GPR107: variants seen among roughly 807,000 people sequenced by gnomAD.
The protein encoded by GPR107 is protein GPR107.
GPR107 carries 31 observed loss-of-function variants against 75.5 expected under a neutral mutation model. The ratio of observed to expected loss-of-function variants is 0.41; its 90% CI spans 0.31 to 0.55. The LOEUF (loss-of-function observed/expected upper bound fraction) is 0.55. Among genes scored for constraint, GPR107 ranks in the 20% least tolerant of loss-of-function variants. GPR107 has a pLI of 0.26. For missense variants in GPR107, 572 were observed against 665.7 expected (o/e 0.86, Z 1.55); for synonymous variants, 267 against 251.3 (o/e 1.06, Z -0.59).
Position 130,097,590 on chromosome 9 carries a change from A to G in GPR107, c.864-1867A>G, listed in dbSNP as rs571757782. On this transcript the variant is annotated intron_variant, in intron 9 of 17. Transcript: ENST00000347136. The stretch of plus-strand genomic sequence containing the variant: ...AATACTGACATCTTAATTTTTGCCA[A>G]TCTGATAGGTGTAAAGTGGTATCTT... Among the ~76,000 whole-genome samples, 52 of 152,182 alleles carry G rather than the reference A, an allele frequency of 3.4e-4. No individual in the cohort carries two copies. In the South Asian group the frequency reaches 3.7e-3, roughly 11 times the overall value.
intron 7 of GPR107, among the ~76,000 whole-genome samples, chr9:130,086,771 A>G (rs894430628): frequency 1.3e-5 from 2 of 152,052 alleles, no homozygotes; most frequent in African/African-American, 2.4e-5. Context: ...CTTTGCCCCA[A>G]TCCCATGCTA....
At chr9:130,121,423 C>T (rs988292284) in intron 14 of GPR107, among the ~76,000 whole-genome samples, 12 of 152,308 alleles carry the variant, frequency 7.9e-5, no homozygotes, top group South Asian at 2.1e-4. Flanking sequence ...TGTCCTGGGG[C>T]GCAGGTTGGA....
intron 14 of GPR107, among the ~76,000 whole-genome samples, chr9:130,114,958 C>A (rs943869355): frequency 1.3e-5 from 2 of 152,176 alleles, no homozygotes; most frequent in Non-Finnish European, 2.9e-5. Context: ...TAGTCCAGGG[C>A]AGCTTATGCC....
intron 17 of GPR107, chr9:130,129,884 C>T (rs969541786): frequency 9.2e-5 from 14 of 152,270 alleles, no homozygotes; most frequent in African/African-American, 2.7e-4. Flanking sequence ...GTCGCAGCAT[C>T]GTCTCCTTTA....
In GPR107 at chr9:130,104,437, CTACATCA is replaced by C; in HGVS notation, c.1151_1157del (p.Tyr384SerfsTer2). On this transcript the variant is annotated frameshift_variant, in exon 13 of 18. Transcript: ENST00000347136. LOFTEE classifies it high-confidence loss of function. ...GTCTGTAGGTCCTGGCAAATGTAGC[CTACATCA>C]TCATAGAGTCCACCGAGGAGGGCAC... 6.2e-7 allele frequency: 1 copy of C among 1,613,740 alleles called. No individual in the cohort carries two copies. Among genetic ancestry groups the C allele is most frequent in the Non-Finnish European group, 8.5e-7 (1 of 1,179,704 alleles).
chr9:130,086,502 T>G (rs1830618905), intron 7 of GPR107, 26 bp downstream of exon 7: 1 of 1,297,886 alleles, frequency 7.7e-7, no homozygotes, highest in Admixed American at 1.8e-5. Flanking sequence ...GTGTAAAGCC[T>G]CCTAGAATTT....
At chr9:130,108,992 C>CTT (rs11316244) in intron 14 of GPR107, among the ~76,000 whole-genome samples, 896 of 65,962 alleles carry the variant, frequency 0.014, 14 homozygotes, top group African/African-American at 0.017. Flanking sequence ...TGGGGATATT[C>CTT]TTTTTTTTTT....
intron 9 of GPR107, among the ~76,000 whole-genome samples, chr9:130,097,272 AC>A (rs1830898137): frequency 6.9e-6 from 1 of 145,768 alleles, no homozygotes; most frequent in Non-Finnish European, 1.5e-5. Flanking sequence ...CTCCTGCCTC[AC>A]CCTCCTGAGT....
intron 1 of GPR107, among the ~76,000 whole-genome samples, chr9:130,073,142 G>A (rs1830251709): frequency 6.6e-6 from 1 of 152,148 alleles, no homozygotes; most frequent in African/African-American, 2.4e-5. Context: ...ATTCCAGTTT[G>A]TTTTACATGA....
chr9:130,110,365 AC>A, intron 14 of GPR107: 1 of 1,525,678 alleles, frequency 6.6e-7, no homozygotes, highest in Non-Finnish European at 8.9e-7. Flanking sequence ...ATTTTTTTCC[AC>A]CAGGTGACAG....
Position 130,124,974 on chromosome 9 carries a change from A to T in GPR107, c.1356+10A>T. On this transcript the variant is annotated intron_variant, in intron 15 of 17. Transcript: ENST00000347136. ...ACATTATTACGTCTTGGTAAGTAAA[A>T]AAAAAAAAAATCCTCAATCTATAAA... 1 of 1,281,590 alleles carries T rather than the reference A, an allele frequency of 7.8e-7. No individual in the cohort carries two copies. The highest frequency in any genetic ancestry group is 1.1e-6 in the Non-Finnish European group (1 of 920,922). The allele number at this position is 1,281,590 out of a possible 1,614,324, so 79.4% of individuals were successfully genotyped here. A position where few individuals can be genotyped will look rare whatever the true frequency, so the allele number is the denominator to read the frequency against.
At chr9:130,089,387 T>C (rs2132587432) in intron 7 of GPR107, among the ~76,000 whole-genome samples, 1 of 152,278 alleles carries the variant, frequency 6.6e-6, no homozygotes, top group Middle Eastern at 3.4e-3. Flanking sequence ...TTTCTCTGGC[T>C]TTCCCCCACC....
intron 1 of GPR107, among the ~76,000 whole-genome samples, chr9:130,074,933 G>A (rs1387767519): frequency 6.6e-6 from 1 of 150,804 alleles, no homozygotes; most frequent in Non-Finnish European, 1.5e-5. Context: ...CCTACTAGAT[G>A]CCAGGCATTG....
At chr9:130,108,992 C>CTTTTTTTTTTTTTTTTTTTTTTT (rs11316244) in intron 14 of GPR107, among the ~76,000 whole-genome samples, 1 of 66,066 alleles carries the variant, frequency 1.5e-5, no homozygotes, top group Non-Finnish European at 2.7e-5. Flanking sequence ...TGGGGATATT[C>CTTTTTTTTTTTTTTTTTTTTTTT]TTTTTTTTTT....
chr9:130,106,792 CAA>C (rs1445366143), intron 13 of GPR107, among the ~76,000 whole-genome samples: 16 of 152,048 alleles, frequency 1.1e-4, no homozygotes, highest in Admixed American at 6.5e-4. Flanking sequence ...GATTTGCTGA[CAA>C]GAGTGAGTGA....
intron 17 of GPR107, chr9:130,129,139 C>T (rs1261494272): frequency 5.4e-6 from 1 of 186,800 alleles, no homozygotes; most frequent in African/African-American, 2.4e-5. Context: ...TCTTCTGAGT[C>T]ATCTCTAAGT....
In GPR107 at chr9:130,124,412, G is replaced by T. The variant is rs532202812; in HGVS notation, c.1307-503G>T. Among the ~76,000 whole-genome samples, 5 of 152,310 alleles carry T rather than the reference G, an allele frequency of 3.3e-5. No homozygotes were observed. In the South Asian group the frequency reaches 1.0e-3, roughly 32 times the overall value. ...AAGGGCTTATTACAAGTCACTTAATGATAACTTCAGTGAAATTTGCAAAAT... is the reference window on the plus strand; with the variant it reads ...AAGGGCTTATTACAAGTCACTTAATTATAACTTCAGTGAAATTTGCAAAAT... On this transcript the variant is annotated intron_variant, in intron 14 of 17. Coordinates refer to ENST00000347136, the MANE Select transcript of GPR107 (RefSeq NM_020960.5).
rs782092060 is a variant in GPR107 at position 130,135,169 on chromosome 9, T to C, written c.*48T>C. 5 of 998,122 alleles carry C rather than the reference T, an allele frequency of 5.0e-6. No homozygotes were observed. In the East Asian group the frequency reaches 1.2e-4, roughly 25 times the overall value. The allele number at this position is 998,122 out of a possible 1,614,324, so 61.8% of individuals were successfully genotyped here. A position where few individuals can be genotyped will look rare whatever the true frequency, so the allele number is the denominator to read the frequency against. The stretch of plus-strand genomic sequence containing the variant: ...ACTGTCCAAGGAAACTGTTAACTTA[T>C]TCATAGTCCTATTGGACAGCAGGAG... On this transcript the variant is annotated 3_prime_UTR_variant, in exon 18 of 18. Transcript: ENST00000347136.
chr9:130,120,281 C>T (rs1264139599), intron 14 of GPR107, among the ~76,000 whole-genome samples: 1 of 152,166 alleles, frequency 6.6e-6, no homozygotes, highest in African/African-American at 2.4e-5. Flanking sequence ...TGGAGAGGCT[C>T]ATTTATGGAG....
Sources: allele counts gnomAD v4.1 joint callset (sites outside exome capture counted in the v4.1 genomes callset), GRCh38; gene constraint gnomAD v4.1.1; transcripts MANE v1.5; gene names NCBI Gene and HGNC (gene_info 2026-07-23, HGNC 2026-07-21).